The following DMD variants were observed in gnomAD, a reference collection of about 807,000 sequenced individuals.
DMD encodes dystrophin, also known as mutant dystrophin.
In DMD, 63 loss-of-function variants were observed where a neutral mutation model predicts 330.1. The ratio of observed to expected loss-of-function variants is 0.19; its 90% confidence interval spans 0.16 to 0.24. The LOEUF (loss-of-function observed/expected upper bound fraction) is 0.24, where lower values mean the gene tolerates loss of function less well. Ranked by LOEUF, DMD falls within the 10% of genes least tolerant of loss-of-function variation. The pLI, the probability that DMD is intolerant of heterozygous loss-of-function variation, is 1.00. For missense variants in DMD, 3,344 were observed against 2,684.1 expected (o/e 1.25, Z -5.43); for synonymous variants, 1,223 against 959.8 (o/e 1.27, Z -5.07).
rs777138445 is a variant in DMD, at chrX:33,338,465, A to AAATAAAT, written c.7+787_7+793dup. Among the ~76,000 whole-genome samples, 444 of 94,659 alleles carry AAATAAAT rather than the reference A, an allele frequency of 4.7e-3. 4 individuals carry two copies. The highest frequency in any genetic ancestry group is 0.043 in the Admixed American group (389 of 9,052). The allele number at this position is 94,659 out of a possible 115,157, so 82.2% of individuals were successfully genotyped here. ...GACAAAACTCATTAAAGGGCAAAATAAATAAATAAATAAATAAATAAATAA... is the reference window on the plus strand; with the variant it reads ...GACAAAACTCATTAAAGGGCAAAATAAATAAATAATAAATAAATAAATAAATAAATAA... On this transcript the variant is annotated intron_variant, in intron 1 of 17. Transcript: ENST00000288447.
chrX:32,425,304 A>T (rs766279224), intron 29 of DMD, among the ~76,000 whole-genome samples: 1 of 110,886 alleles, frequency 9.0e-6, no homozygotes, highest in East Asian at 2.9e-4. Context: ...TTGGTGGATA[A>T]ACTTTCTCAA....
chrX:33,040,530 T>G (rs1028728032), intron 1 of DMD, among the ~76,000 whole-genome samples: 2 of 110,710 alleles, frequency 1.8e-5, no homozygotes, highest in Non-Finnish European at 3.8e-5. Context: ...AGAAATCCCT[T>G]TAGGACCGCA....
chrX:33,023,766 T>A (rs948591849), intron 1 of DMD, among the ~76,000 whole-genome samples: 13 of 111,507 alleles, frequency 1.2e-4, no homozygotes, highest in Admixed American at 3.8e-4. Context: ...GATTATCTGA[T>A]GAAAATAATG....
chrX:31,537,465 T>C (rs1051605284), intron 55 of DMD, among the ~76,000 whole-genome samples: 2 of 112,279 alleles, frequency 1.8e-5, no homozygotes, highest in African/African-American at 6.5e-5. Context: ...TAATTAAATA[T>C]CCAATTAAAG....
At chrX:32,647,871 G>A (rs1222856634) in intron 9 of DMD, among the ~76,000 whole-genome samples, 2 of 111,831 alleles carry the variant, frequency 1.8e-5, no homozygotes, top group Non-Finnish European at 3.8e-5. Flanking sequence ...GAAAATTATT[G>A]TCGAAAATAC....
intron 13 of DMD, among the ~76,000 whole-genome samples, chrX:32,582,570 A>G (rs1482703654): frequency 8.9e-6 from 1 of 111,915 alleles, no homozygotes; most frequent in African/African-American, 3.2e-5. Context: ...GAATAGATGA[A>G]ATCCAATTAA....
At chrX:32,562,538 T>C (rs1317432845) in intron 16 of DMD, among the ~76,000 whole-genome samples, 3 of 112,862 alleles carry the variant, frequency 2.7e-5, no homozygotes, top group Non-Finnish European at 3.7e-5. Context: ...AGAACTTTGC[T>C]CATTCTTTAT....
At chrX:31,273,563 G>T (rs1166221480) in intron 62 of DMD, among the ~76,000 whole-genome samples, 1 of 112,058 alleles carries the variant, frequency 8.9e-6, no homozygotes, top group East Asian at 2.8e-4. Context: ...TTGGAAAAAA[G>T]TAAACAAAGG....
intron 29 of DMD, among the ~76,000 whole-genome samples, chrX:32,426,439 G>A (rs892110398): frequency 6.0e-4 from 67 of 111,457 alleles, no homozygotes; most frequent in African/African-American, 1.9e-3. Flanking sequence ...ATGCCATCTC[G>A]CACCAGTCAA....
chrX:33,139,359 T>C (rs1267274980), intron 1 of DMD, among the ~76,000 whole-genome samples: 1 of 111,170 alleles, frequency 9.0e-6, no homozygotes, highest in African/African-American at 3.3e-5. Flanking sequence ...TGTTTGTTTG[T>C]TTTTGAGACG....
intron 35 of DMD, 93 bp from the exon 36 acceptor site, chrX:32,364,803 T>C (rs55676629): frequency 0.027 from 26,923 of 1,007,209 alleles, 324 homozygotes; most frequent in Non-Finnish European, 0.032. Flanking sequence ...AAGACAACAA[T>C]AAAGTTTCAT....
At chrX:33,237,682 C>T (rs1013610255) in intron 1 of DMD, among the ~76,000 whole-genome samples, 4 of 111,643 alleles carry the variant, frequency 3.6e-5, no homozygotes, top group African/African-American at 6.5e-5. Context: ...GAAGTGGGCA[C>T]GGATATATTA....
intron 6 of DMD, among the ~76,000 whole-genome samples, chrX:32,814,972 G>A (rs2077615550): frequency 9.0e-6 from 1 of 111,350 alleles, no homozygotes; most frequent in Admixed American, 9.6e-5. Flanking sequence ...AATGAGCATT[G>A]ACTTAAAACA....
chrX:31,801,586 C>CA (rs2092066484), intron 50 of DMD, among the ~76,000 whole-genome samples: 1 of 77,703 alleles, frequency 1.3e-5, no homozygotes, highest in Admixed American at 1.4e-4. Context: ...CTCATCCCCC[C>CA]CCCCCAACAC....
chrX:31,998,570 A>T (rs1473528624), intron 44 of DMD, among the ~76,000 whole-genome samples: 2 of 112,024 alleles, frequency 1.8e-5, no homozygotes. Flanking sequence ...ATTTGTAAAC[A>T]AAAATAAAAA....
chrX:31,929,851 G>A (rs896396235), intron 46 of DMD, 106 bp from the exon 47 acceptor site: 2 of 985,340 alleles, frequency 2.0e-6, no homozygotes, highest in African/African-American at 1.9e-5. Flanking sequence ...CGACTTGACC[G>A]AGGGCCCAGT....
intron 68 of DMD, among the ~76,000 whole-genome samples, chrX:31,182,114 T>G (rs2041221203): frequency 8.9e-6 from 1 of 112,685 alleles, no homozygotes; most frequent in Non-Finnish European, 1.9e-5. Context: ...AAGGACTGGT[T>G]GTTTTTTAGC....
rs753993138 is a variant in DMD at position 32,022,825 on chromosome X, C to CTT, written c.6439-54313_6439-54312dup. 4.9e-3 allele frequency among the ~76,000 whole-genome samples: 441 copies of CTT among 90,374 alleles called. 4 individuals are homozygous for CTT. The highest frequency in any genetic ancestry group is 0.018 in the African/African-American group (413 of 23,317). The allele number at this position is 90,374 out of a possible 115,157, so 78.5% of individuals were successfully genotyped here. Reference sequence around the variant, plus strand: ...ATCAAAGAGAACTCGGTATAATCCTCTTTTTTTTTTTTTTTTTTTCTTCTG... The same window carrying CTT: ...ATCAAAGAGAACTCGGTATAATCCTCTTTTTTTTTTTTTTTTTTTTTCTTCTG... On this transcript the variant is annotated intron_variant, in intron 44 of 78. Transcript: ENST00000357033.
intron 52 of DMD, among the ~76,000 whole-genome samples, chrX:31,718,494 A>G (rs748786756): frequency 3.6e-4 from 40 of 110,880 alleles, no homozygotes; most frequent in African/African-American, 5.6e-4. Context: ...CTAACCCCCA[A>G]TGGATATTTG....
Sources: gnomAD v4.1 joint callset for allele counts (sites outside exome capture counted in the v4.1 genomes callset) on GRCh38, gnomAD v4.1.1 for gene constraint, MANE v1.5 for transcripts, NCBI Gene and HGNC (gene_info 2026-07-23, HGNC 2026-07-21) for gene names.